The following SIM1 variants were observed in gnomAD, a reference collection of about 807,000 sequenced individuals.
SIM1 encodes single-minded homolog 1.
A neutral mutation model predicts 78.2 loss-of-function variants in SIM1; 18 were observed. That is an observed-to-expected ratio of 0.23 (90% CI 0.16 to 0.34). The LOEUF (loss-of-function observed/expected upper bound fraction) is 0.34. SIM1 is among the 10% of genes least tolerant of loss of function. The pLI is 1.00. For synonymous variants in SIM1, 417 were observed against 385.2 expected (o/e 1.08, Z -0.97); for missense variants, 939 against 975.1 (o/e 0.96, Z 0.49).
intron 9 of SIM1, among the ~76,000 whole-genome samples, chr6:100,441,878 G>C (rs918788482): frequency 6.6e-6 from 1 of 152,160 alleles, no homozygotes; most frequent in Non-Finnish European, 1.5e-5. Context: ...TTTGTGGGCT[G>C]AACACTACAG....
chr6:100,438,557 T>A (rs1435718946), intron 9 of SIM1, among the ~76,000 whole-genome samples: 1 of 152,212 alleles, frequency 6.6e-6, no homozygotes, highest in Non-Finnish European at 1.5e-5. Context: ...GTATGGGCAT[T>A]CCTTAAGGAA....
intron 11 of SIM1, 128 bp downstream of exon 11, chr6:100,393,359 A>T: frequency 1.2e-6 from 1 of 837,300 alleles, no homozygotes; most frequent in Non-Finnish European, 1.7e-6. Context: ...CTTTGTTTTT[A>T]ATCCCATTGG....
At chr6:100,419,091 A>G (rs939325659) in intron 10 of SIM1, among the ~76,000 whole-genome samples, 4 of 152,092 alleles carry the variant, frequency 2.6e-5, no homozygotes, top group African/African-American at 4.8e-5. Flanking sequence ...GTTTGGACCC[A>G]GGAGGCAGAG....
intron 10 of SIM1, among the ~76,000 whole-genome samples, 153 bp downstream of exon 10, chr6:100,420,637 G>C (rs1771551955): frequency 6.6e-6 from 1 of 152,170 alleles, no homozygotes; most frequent in African/African-American, 2.4e-5. Flanking sequence ...TATTTTAAAA[G>C]GAGGCAGATA....
intron 2 of SIM1, among the ~76,000 whole-genome samples, chr6:100,458,656 G>A (rs1053637655): frequency 6.6e-6 from 1 of 152,202 alleles, no homozygotes; most frequent in African/African-American, 2.4e-5. Context: ...CGCGGACAGA[G>A]GATGGGACAC....
rs112151329 is a variant in SIM1, at chr6:100,450,696, T to TCA, written c.259-342_259-341dup. ...CTCTCTCTCTCTCTCTCTCTCTCTC[T>TCA]CACACACACACACACACACACACAC... On this transcript the variant is annotated intron_variant, in intron 3 of 11. Coordinates refer to ENST00000369208, the MANE Select transcript of SIM1 (RefSeq NM_005068.3). Among the ~76,000 whole-genome samples the TCA allele has an allele frequency of 4.2e-3, 383 of 91,912 alleles. 4 individuals are homozygous for TCA. The highest frequency in any genetic ancestry group is 0.031 in the Middle Eastern group (5 of 162). The allele number at this position is 91,912 out of a possible 152,430, so 60.3% of individuals were successfully genotyped here.
intron 9 of SIM1, among the ~76,000 whole-genome samples, chr6:100,421,911 C>G (rs1299681018): frequency 6.6e-6 from 1 of 152,156 alleles, no homozygotes; most frequent in African/African-American, 2.4e-5. Context: ...CCAGAACTCG[C>G]TGGGCTGCCC....
rs538831316 is a variant in SIM1, at chr6:100,431,036, C to T, written c.999-10078G>A. Among the ~76,000 whole-genome samples, 52 of 152,280 alleles carry T rather than the reference C, an allele frequency of 3.4e-4. 1 individual carries two copies. The Middle Eastern group carries it at 0.017, about 50-fold the overall frequency. On this transcript the variant is annotated intron_variant, in intron 9 of 11. Transcript: ENST00000369208. ...CCCCATAAGGCCAAACCTCACAGCA[C>T]GGTTGGAAGCTCTGCCCTTTTCTGT...
intron 10 of SIM1, among the ~76,000 whole-genome samples, chr6:100,415,224 T>C (rs1771367891): frequency 6.6e-6 from 1 of 152,202 alleles, no homozygotes; most frequent in Non-Finnish European, 1.5e-5. Flanking sequence ...GACGAAACCA[T>C]GGCAAGATAA....
In SIM1 at chr6:100,390,401, C is replaced by T. The variant is rs1770606024; in HGVS notation, c.2261G>A (p.Gly754Glu). The T allele has an allele frequency of 1.9e-6, 3 of 1,613,988 alleles. No individual in the cohort carries two copies. In the African/African-American group the frequency reaches 4.0e-5, roughly 22 times the overall value. ...TATTATAACAGATGTTCCCTTGTGT[C>T]CTTGTGCTGGGTCTGGTTGCATCCT... ...HLRMQPDPAQGHKGTSVIITN... is the reference protein window; with the variant it reads ...HLRMQPDPAQEHKGTSVIITN... The change falls in exon 12 of 12, where the codon GGA becomes GAA. Residue 754 changes from glycine to glutamate, a missense_variant. By Grantham distance (98) the Gly-to-Glu change is moderately conservative. Transcript: ENST00000369208.
Position 100,463,436 on chromosome 6 carries a change from A to T in SIM1, c.33T>A (p.Thr11=). 6 of 1,612,152 alleles carry T rather than the reference A, an allele frequency of 3.7e-6. No individual in the cohort carries two copies. The highest frequency in any genetic ancestry group is 5.1e-6 in the Non-Finnish European group (6 of 1,178,346). ...ATTCACTGTTTTCCTTCTCCCTCCT[A>T]GTCCGCGCAGCATTTTTGGACTTTT... is the stretch of plus-strand genomic sequence containing the variant. MKEKSKNAAR[T]RREKENSEFY... is the part of the protein sequence containing the mutation. Residue 11 remains threonine, a synonymous_variant, in exon 2 of 12, where the codon ACT becomes ACA. Transcript: ENST00000369208.
At chr6:100,457,206 T>C (rs751184745) in intron 2 of SIM1, among the ~76,000 whole-genome samples, 15 of 152,272 alleles carry the variant, frequency 9.9e-5, no homozygotes, top group Non-Finnish European at 1.9e-4. Flanking sequence ...GCGTGTGTTC[T>C]GTTCTTTTAA....
chr6:100,402,682 A>T (rs1488951522), intron 10 of SIM1, among the ~76,000 whole-genome samples: 1 of 137,970 alleles, frequency 7.2e-6, no homozygotes, highest in African/African-American at 2.8e-5. Flanking sequence ...GGTTCACGCC[A>T]TTCTCCTGCC....
intron 3 of SIM1, among the ~76,000 whole-genome samples, chr6:100,450,662 A>ACTCTCT (rs1225845701): frequency 1.1e-5 from 1 of 93,204 alleles, no homozygotes; most frequent in Non-Finnish European, 2.3e-5. Flanking sequence ...ACACACACAC[A>ACTCTCT]CTGTCTCTCT....
intron 9 of SIM1, among the ~76,000 whole-genome samples, chr6:100,428,035 T>G (rs1771781721): frequency 6.6e-6 from 1 of 152,196 alleles, no homozygotes; most frequent in Admixed American, 6.5e-5. Flanking sequence ...TTTATATAAA[T>G]GAGAAAGAGA....
rs1035833942 is a variant in SIM1, at chr6:100,387,833, T to C, written c.*2528A>G. 9.9e-5 allele frequency: 15 copies of C among 152,268 alleles called. No individual in the cohort carries two copies. In the East Asian group the frequency reaches 1.3e-3, roughly 14 times the overall value. 9.4% of individuals were successfully genotyped at this position (152,268 alleles called of 1,614,324 possible). On this transcript the variant is annotated 3_prime_UTR_variant, in exon 12 of 12. Transcript: ENST00000369208. Reference sequence around the variant, plus strand: ...TATAAAAATTCCACTGAAATTCCTTTAGTGACAGCCTTTTCTTTAATATCA... The same window carrying C: ...TATAAAAATTCCACTGAAATTCCTTCAGTGACAGCCTTTTCTTTAATATCA...
intron 10 of SIM1, among the ~76,000 whole-genome samples, chr6:100,399,578 C>G (rs1480004293): frequency 6.6e-6 from 1 of 152,014 alleles, no homozygotes; most frequent in Non-Finnish European, 1.5e-5. Flanking sequence ...CAAGATGTTA[C>G]CACTGGGGAA....
At chr6:100,431,081 A>G (rs1771888626) in intron 9 of SIM1, among the ~76,000 whole-genome samples, 1 of 152,194 alleles carries the variant, frequency 6.6e-6, no homozygotes, top group Admixed American at 6.5e-5. Context: ...AGACACTGGC[A>G]TTTCTGTAGA....
At chr6:100,454,131 T>G (rs544616641) in intron 2 of SIM1, among the ~76,000 whole-genome samples, 1 of 152,280 alleles carries the variant, frequency 6.6e-6, no homozygotes, top group East Asian at 1.9e-4. Flanking sequence ...GCCTCCAACA[T>G]TGCACCCCAC....
Sources: allele counts gnomAD v4.1 joint callset (sites outside exome capture counted in the v4.1 genomes callset), GRCh38; gene constraint gnomAD v4.1.1; transcripts MANE v1.5; gene names NCBI Gene and HGNC (gene_info 2026-07-23, HGNC 2026-07-21).